The following TBC1D10C variants were observed in gnomAD, a reference collection of about 807,000 sequenced individuals.
TBC1D10C encodes the protein carabin.
A neutral mutation model predicts 51.0 loss-of-function variants in TBC1D10C; 49 were observed. That is an observed-to-expected ratio of 0.96 (90% CI 0.76 to 1.22). TBC1D10C has a LOEUF of 1.22. Ranked by LOEUF, TBC1D10C falls within the 50% of genes most tolerant of loss-of-function variation. The pLI is 0.00. For synonymous variants in TBC1D10C, 281 were observed against 266.7 expected (o/e 1.05, Z -0.52); for missense variants, 541 against 617.5 (o/e 0.88, Z 1.31).
intron 7 of TBC1D10C, chr11:67,407,974 G>C (rs2135042513): frequency 6.6e-6 from 1 of 152,412 alleles, no homozygotes; most frequent in South Asian, 2.1e-4. Context: ...CTTCCAACCA[G>C]CCTTAGACCT....
At position 67,409,949 on chromosome 11, in the gene TBC1D10C, T is replaced by C. The variant is rs916769863; in HGVS notation, c.*195T>C. The C allele has an allele frequency of 3.4e-6, 2 of 582,416 alleles. No individual in the cohort carries two copies. The highest frequency in any genetic ancestry group is 1.9e-5 in the African/African-American group (1 of 51,884). The allele number at this position is 582,416 out of a possible 1,614,324, so 36.1% of individuals were successfully genotyped here. ...ACTAGCATGGAGGAGGGTCACAGAG[T>C]GGGGCACGTGAGGACCCATGGAACC... On this transcript the variant is annotated 3_prime_UTR_variant, in exon 9 of 9. Coordinates refer to ENST00000542590, the MANE Select transcript of TBC1D10C (RefSeq NM_001369496.1).
At position 67,409,852 on chromosome 11, in the gene TBC1D10C, T is replaced by C. The variant is rs928386061; in HGVS notation, c.*98T>C. 3.6e-6 allele frequency: 4 copies of C among 1,109,584 alleles called. No homozygotes were observed. The highest frequency in any genetic ancestry group is 5.0e-6 in the Non-Finnish European group (4 of 793,742). 68.7% of individuals were successfully genotyped at this position (1,109,584 alleles called of 1,614,324 possible). A position where few individuals can be genotyped will look rare whatever the true frequency, so the allele number is the denominator to read the frequency against. On this transcript the variant is annotated 3_prime_UTR_variant, in exon 9 of 9. Transcript: ENST00000542590. ...CACTTTACTCTTGGGACTCGGGGAC[T>C]TGGCTTCCTTCCTGGCAAGGACCAG...
chr11:67,409,226 C>T (rs1391479963), intron 8 of TBC1D10C, 93 bp downstream of exon 8: 3 of 1,448,842 alleles, frequency 2.1e-6, no homozygotes, highest in East Asian at 2.5e-5. Context: ...AGAATGGGGA[C>T]TTAGTTCCTG....
intron 1 of TBC1D10C, among the ~76,000 whole-genome samples, chr11:67,404,688 C>T (rs1332858701): frequency 3.3e-5 from 5 of 152,142 alleles, no homozygotes; most frequent in Non-Finnish European, 5.9e-5. Context: ...GACAGAAACA[C>T]AAGTCCAGAT....
intron 5 of TBC1D10C, chr11:67,406,284 T>C (rs1053262827): frequency 5.9e-6 from 3 of 511,988 alleles, no homozygotes; most frequent in South Asian, 3.2e-5. Flanking sequence ...GATTCTGAAC[T>C]TGGGGACTGC....
In TBC1D10C at chr11:67,409,758, G is replaced by T. The variant is rs777404469; in HGVS notation, c.*4G>T. 4.4e-6 allele frequency: 7 copies of T among 1,573,972 alleles called. No individual in the cohort carries two copies. Among genetic ancestry groups the T allele is most frequent in the South Asian group, 1.1e-5 (1 of 87,352 alleles). ...CTTCCTGGACACCCGCTTCTGAGAG[G>T]ACCATGGACTTAGTGTCCCCCAGTC... On this transcript the variant is annotated 3_prime_UTR_variant, in exon 9 of 9. Transcript: ENST00000542590.
At position 67,409,515 on chromosome 11, in the gene TBC1D10C, C is replaced by G; in HGVS notation, c.1102C>G (p.Leu368Val). The part of the protein sequence containing the change: ...PGPPPRPQVR[L>V]AGAQAIFEAQ... ...ACCCCCGCCCCGGCCACAGGTCCGC[C>G]TCGCCGGGGCCCAAGCCATCTTTGA... The change falls in exon 9 of 9, where the codon CTC becomes GTC. Residue 368 changes from leucine to valine, a missense_variant. Coordinates refer to ENST00000542590, the MANE Select transcript of TBC1D10C (RefSeq NM_001369496.1). 1 of 1,548,484 alleles carries G rather than the reference C, an allele frequency of 6.5e-7. No homozygotes were observed. Among genetic ancestry groups the G allele is most frequent in the Non-Finnish European group, 8.7e-7 (1 of 1,146,310 alleles).
rs1863091884 is a variant in TBC1D10C, at chr11:67,405,113, C to T, written c.181C>T (p.Arg61Cys). Residue 61 changes from arginine to cysteine, a missense_variant, in exon 2 of 9, where the codon CGC becomes TGC. Physicochemically the swap from Arg to Cys is radical, Grantham distance 180 (BLOSUM62 -3). Coordinates refer to ENST00000542590, the MANE Select transcript of TBC1D10C (RefSeq NM_001369496.1). The part of the protein sequence containing the change: ...GPGHPPADLI[R>C]QREMKWVEMT... ...GGGCCACCCACCTGCAGACCTCATC[C>T]GCCAACGGGAGATGAAGTGGGTGGA... 3 of 1,551,408 alleles carry T rather than the reference C, an allele frequency of 1.9e-6. No individual in the cohort carries two copies. Among genetic ancestry groups the T allele is most frequent in the Non-Finnish European group, 2.6e-6 (3 of 1,146,940 alleles).
Position 67,409,711 on chromosome 11 carries a change from G to C in TBC1D10C, c.1298G>C (p.Arg433Thr). 1.3e-6 allele frequency: 2 copies of C among 1,592,448 alleles called. No individual in the cohort carries two copies. Among genetic ancestry groups the C allele is most frequent in the South Asian group, 2.2e-5 (2 of 90,082 alleles). Residue 433 changes from arginine to threonine, a missense_variant, in exon 9 of 9, where the codon AGG (arginine) becomes ACG (threonine). Physicochemically the swap from Arg to Thr is moderately conservative, Grantham distance 71. Coordinates refer to ENST00000542590, the MANE Select transcript of TBC1D10C (RefSeq NM_001369496.1). ...ARGPPIEGPP[R>T]PQRGSTSFLD... ...GGCCCCCCCATCGAGGGGCCCCCCA[G>C]GCCCCAACGAGGCTCCACCTCCTTC...
chr11:67,404,299 C>T lies in TBC1D10C; in HGVS notation c.97C>T (p.Pro33Ser). The change falls in exon 1 of 9, where the codon CCA (proline) becomes TCA (serine). Residue 33 changes from proline to serine, a missense_variant. Coordinates refer to ENST00000542590, the MANE Select transcript of TBC1D10C (RefSeq NM_001369496.1). ...CGACTCAGAGCTCAGCGGGCCTGGCCCATATCGCCAGGCCGACCGCTATGG... is the reference window on the plus strand; with the variant it reads ...CGACTCAGAGCTCAGCGGGCCTGGCTCATATCGCCAGGCCGACCGCTATGG... ...GSDSELSGPGPYRQADRYGFI... is the reference protein window; with the variant it reads ...GSDSELSGPGSYRQADRYGFI... The T allele has an allele frequency of 6.2e-7, 1 of 1,600,860 alleles. No individual in the cohort carries two copies. Among genetic ancestry groups the T allele is most frequent in the Non-Finnish European group, 8.5e-7 (1 of 1,170,896 alleles).
At position 67,409,034 on chromosome 11, in the gene TBC1D10C, T is replaced by C. The variant is rs1240268195; in HGVS notation, c.894T>C (p.Thr298=). The C allele has an allele frequency of 6.9e-6, 11 of 1,585,368 alleles. No homozygotes were observed. In the East Asian group the frequency reaches 1.4e-4, roughly 20 times the overall value. ...CACTGGTGCGCCTGGCGCTGGGCAC[T>C]GCAGAGCAGCGAGGGGCCTGCCCTG... The part of the protein sequence containing the change: ...GLTLVRLALG[T]AEQRGACPGL... The change falls in exon 8 of 9, where the codon ACT becomes ACC. Residue 298 remains threonine, a synonymous_variant. Transcript: ENST00000542590.
chr11:67,408,755 C>A, intron 7 of TBC1D10C: 1 of 503,804 alleles, frequency 2.0e-6, no homozygotes, highest in Non-Finnish European at 3.3e-6. Flanking sequence ...ACCAAATTCA[C>A]AAGATAGTAA....
At chr11:67,406,126 G>C (rs1262243039) in intron 5 of TBC1D10C, 109 bp downstream of exon 5, 1 of 946,912 alleles carries the variant, frequency 1.1e-6, no homozygotes, top group Non-Finnish European at 1.5e-6. Flanking sequence ...CCTGGACCCT[G>C]TCCTAGTGAC....
At chr11:67,405,316 C>A in intron 2 of TBC1D10C, 83 bp from the exon 3 acceptor site, 4 of 1,526,598 alleles carry the variant, frequency 2.6e-6, no homozygotes, top group Admixed American at 1.9e-5. Flanking sequence ...AAAGTGGGCC[C>A]CTGCCTGCTG....
intron 4 of TBC1D10C, 67 bp from the exon 5 acceptor site, chr11:67,405,836 G>GA: frequency 6.5e-7 from 1 of 1,541,528 alleles, no homozygotes; most frequent in Non-Finnish European, 8.8e-7. Context: ...GGCCTGGGCA[G>GA]AGGCCCCCAG....
chr11:67,406,416 C>T, intron 5 of TBC1D10C: 1 of 578,578 alleles, frequency 1.7e-6, no homozygotes, highest in African/African-American at 1.9e-5. Context: ...TGATTTCCAA[C>T]ACCCTAAACC....
intron 5 of TBC1D10C, 35 bp from the exon 6 acceptor site, chr11:67,406,590 TGA>T: frequency 6.5e-7 from 1 of 1,535,294 alleles, no homozygotes; most frequent in East Asian, 2.4e-5. Context: ...CCTTCCTTGG[TGA>T]GCACTTACAG....
rs371562664 is a variant in TBC1D10C, at chr11:67,405,705, C to T, written c.467+4C>T. On this transcript the variant is annotated splice_donor_region_variant and intron_variant, in intron 4 of 8. Coordinates refer to ENST00000542590, the MANE Select transcript of TBC1D10C (RefSeq NM_001369496.1). ...TTGTGTCGCCTCAGGGCCACGGGTA[C>T]GAGGCCGGTGATGCCCAGGGACCCC... The T allele has an allele frequency of 4.5e-5, 72 of 1,613,332 alleles. No individual in the cohort carries two copies. Among genetic ancestry groups the T allele is most frequent in the Admixed American group, 3.0e-4 (18 of 59,988 alleles).
chr11:67,404,105 C>T lies in TBC1D10C; in HGVS notation c.-98C>T. The T allele has an allele frequency of 3.6e-6, 5 of 1,378,388 alleles. No individual in the cohort carries two copies. Among genetic ancestry groups the T allele is most frequent in the Non-Finnish European group, 4.7e-6 (5 of 1,061,514 alleles). 85.4% of individuals were successfully genotyped at this position (1,378,388 alleles called of 1,614,324 possible). A position where few individuals can be genotyped will look rare whatever the true frequency, so the allele number is the denominator to read the frequency against. On this transcript the variant is annotated 5_prime_UTR_variant, in exon 1 of 9. Transcript: ENST00000542590. ...GGTGAGATACCCTGAAACCTCCCCC[C>T]TCTGACCCCGCAGCCAGGCCCCAGG... is the stretch of plus-strand genomic sequence containing the variant.
Sources: allele counts gnomAD v4.1 joint callset (sites outside exome capture counted in the v4.1 genomes callset), GRCh38; gene constraint gnomAD v4.1.1; transcripts MANE v1.5; gene names NCBI Gene and HGNC (gene_info 2026-07-23, HGNC 2026-07-21).